Variants in ATXN7L1 observed in about 807,000 individuals in gnomAD.
ATXN7L1 encodes the protein ataxin-7-like protein 1.
In ATXN7L1, 15 loss-of-function variants were observed where a neutral mutation model predicts 70.8. That is an observed-to-expected ratio of 0.21 (90% confidence interval 0.14 to 0.33). ATXN7L1 has a LOEUF of 0.33. ATXN7L1 is among the 10% of genes least tolerant of loss of function. ATXN7L1 has a pLI of 1.00. For missense variants in ATXN7L1, 975 were observed against 1,097.1 expected (o/e 0.89, Z 1.57); for synonymous variants, 440 against 445.1 (o/e 0.99, Z 0.14).
At chr7:105,873,045 T>G (rs1037768044) in intron 2 of ATXN7L1, among the ~76,000 whole-genome samples, 1 of 152,084 alleles carries the variant, frequency 6.6e-6, no homozygotes, top group East Asian at 1.9e-4. Context: ...TCCCAGCTAC[T>G]TGGGAGGTTG....
chr7:105,793,817 T>C (rs1489827398), intron 2 of ATXN7L1, among the ~76,000 whole-genome samples: 2 of 152,192 alleles, frequency 1.3e-5, no homozygotes, highest in African/African-American at 4.8e-5. Flanking sequence ...CCTGGCCTGA[T>C]CACAGGCAGG....
At chr7:105,767,693 C>A (rs975548227) in intron 3 of ATXN7L1, among the ~76,000 whole-genome samples, 1 of 152,232 alleles carries the variant, frequency 6.6e-6, no homozygotes, top group African/African-American at 2.4e-5. Flanking sequence ...GAGATGAGGA[C>A]TGGCTGAAGG....
intron 3 of ATXN7L1, among the ~76,000 whole-genome samples, chr7:105,762,292 C>G (rs764079472): frequency 2.6e-5 from 4 of 152,180 alleles, no homozygotes; most frequent in Non-Finnish European, 5.9e-5. Context: ...AATCCCTGTT[C>G]TTTTCCTACT....
chr7:105,676,315 C>T (rs1282040078), intron 3 of ATXN7L1, among the ~76,000 whole-genome samples: 1 of 152,198 alleles, frequency 6.6e-6, no homozygotes, highest in African/African-American at 2.4e-5. Context: ...ACACACACCG[C>T]ACAAGTCACA....
intron 4 of ATXN7L1, among the ~76,000 whole-genome samples, chr7:105,650,796 G>A (rs1330286147): frequency 6.6e-6 from 1 of 152,134 alleles, no homozygotes; most frequent in African/African-American, 2.4e-5. Flanking sequence ...TTAGGTGGGA[G>A]GAAAAATGAA....
intron 2 of ATXN7L1, among the ~76,000 whole-genome samples, chr7:105,873,590 C>G (rs931351590): frequency 2.0e-5 from 3 of 152,110 alleles, no homozygotes; most frequent in Non-Finnish European, 4.4e-5. Flanking sequence ...ACCAGAAAGA[C>G]CATCAGGAAT....
At position 105,852,881 on chromosome 7, in the gene ATXN7L1, G is replaced by T. The variant is rs566449222; in HGVS notation, c.250+22931C>A. The stretch of plus-strand genomic sequence containing the variant: ...ATATTATTTAACCTTTGAAAGGAAG[G>T]AAATTCTGGTACATGCTACAACATC... On this transcript the variant is annotated intron_variant, in intron 2 of 11. Coordinates refer to ENST00000419735, the MANE Select transcript of ATXN7L1 (RefSeq NM_020725.2). Among the ~76,000 whole-genome samples the T allele has an allele frequency of 1.2e-3, 183 of 152,144 alleles. 1 individual carries two copies. Among genetic ancestry groups the T allele is most frequent in the African/African-American group, 4.1e-3 (171 of 41,486 alleles).
At chr7:105,694,479 G>A (rs141699384) in intron 3 of ATXN7L1, among the ~76,000 whole-genome samples, 1 of 152,180 alleles carries the variant, frequency 6.6e-6, no homozygotes, top group Non-Finnish European at 1.5e-5. Flanking sequence ...TGTGAGGTGG[G>A]AAGGGCGGCT....
At chr7:105,791,666 C>G (rs1242235106) in intron 2 of ATXN7L1, among the ~76,000 whole-genome samples, 4 of 152,064 alleles carry the variant, frequency 2.6e-5, no homozygotes, top group Non-Finnish European at 5.9e-5. Flanking sequence ...AAGAAAAATA[C>G]CATTACCAGA....
intron 3 of ATXN7L1, among the ~76,000 whole-genome samples, chr7:105,678,711 T>TC (rs1805093903): frequency 6.6e-6 from 1 of 152,126 alleles, no homozygotes; most frequent in Non-Finnish European, 1.5e-5. Context: ...GCAGCTGGCT[T>TC]CCCGGTGCTC....
At chr7:105,830,134 C>G (rs943275091) in intron 2 of ATXN7L1, among the ~76,000 whole-genome samples, 90 of 152,162 alleles carry the variant, frequency 5.9e-4, no homozygotes, top group Admixed American at 2.6e-4. Context: ...TACTAGGTCA[C>G]GACAAGTATA....
intron 3 of ATXN7L1, among the ~76,000 whole-genome samples, chr7:105,694,240 T>C (rs971968339): frequency 6.6e-6 from 1 of 151,510 alleles, no homozygotes; most frequent in Admixed American, 6.6e-5. Flanking sequence ...TAGAGATGGT[T>C]TCACCATGTT....
intron 3 of ATXN7L1, among the ~76,000 whole-genome samples, chr7:105,724,400 C>T (rs1795552417): frequency 1.3e-5 from 2 of 151,016 alleles, no homozygotes; most frequent in South Asian, 4.2e-4. Flanking sequence ...GTGGCAAAAC[C>T]CCATCTCTAC....
rs139544096 is a variant in ATXN7L1 at position 105,786,239 on chromosome 7, C to T, written c.355+2365G>A. ...GGGACGAGATCAGTAACCCCAAACC[C>T]CCAAACTAATTTACTGCATTGCTCA... is the stretch of plus-strand genomic sequence containing the variant. On this transcript the variant is annotated intron_variant, in intron 3 of 11. Transcript: ENST00000419735. 3.8e-3 allele frequency among the ~76,000 whole-genome samples: 573 copies of T among 152,260 alleles called. 3 individuals are homozygous for T. The highest frequency in any genetic ancestry group is 0.013 in the African/African-American group (522 of 41,544).
At chr7:105,664,857 C>T (rs1802378725) in intron 4 of ATXN7L1, among the ~76,000 whole-genome samples, 1 of 151,946 alleles carries the variant, frequency 6.6e-6, no homozygotes, top group Admixed American at 6.6e-5. Flanking sequence ...GTGAGCGTGG[C>T]CCATATGGTA....
In ATXN7L1 at chr7:105,875,720, C is replaced by T. The variant is rs1436290926; in HGVS notation, c.250+92G>A. On this transcript the variant is annotated intron_variant, in intron 2 of 11. Coordinates refer to ENST00000419735, the MANE Select transcript of ATXN7L1 (RefSeq NM_020725.2). ...CAATTTTTGACAAGCCTTAGTCACT[C>T]TGTACCCAGCAGAACAATTCACATT... 2.4e-6 allele frequency: 3 copies of T among 1,240,388 alleles called. No individual in the cohort carries two copies. In the African/African-American group the frequency reaches 4.6e-5, roughly 19 times the overall value. 76.8% of individuals were successfully genotyped at this position (1,240,388 alleles called of 1,614,324 possible). A position where few individuals can be genotyped will look rare whatever the true frequency, so the allele number is the denominator to read the frequency against.
intron 3 of ATXN7L1, among the ~76,000 whole-genome samples, chr7:105,708,004 T>C (rs1025971927): frequency 2.0e-5 from 3 of 152,230 alleles, no homozygotes; most frequent in African/African-American, 7.2e-5. Flanking sequence ...GCAACAAAGA[T>C]GGGTATAAAT....
intron 3 of ATXN7L1, among the ~76,000 whole-genome samples, chr7:105,668,133 G>A (rs1802940461): frequency 6.6e-6 from 1 of 152,240 alleles, no homozygotes; most frequent in Non-Finnish European, 1.5e-5. Flanking sequence ...AGTGTGCCAT[G>A]AAGGACAAAA....
rs1318228373 is a variant in ATXN7L1, at chr7:105,630,911, CAA to C, written c.1203-6646_1203-6645del. ...TCATTAAGAAAAACAAAAACAAAAA[CAA>C]AAGAGACACACAGGAAAGGTGGTCT... On this transcript the variant is annotated intron_variant, in intron 7 of 11. Coordinates refer to ENST00000419735, the MANE Select transcript of ATXN7L1 (RefSeq NM_020725.2). 2.0e-5 allele frequency among the ~76,000 whole-genome samples: 3 copies of C among 151,974 alleles called. No homozygotes were observed. In the East Asian group the frequency reaches 5.8e-4, roughly 29 times the overall value.
Sources: gnomAD v4.1 joint callset for allele counts (sites outside exome capture counted in the v4.1 genomes callset) on GRCh38, gnomAD v4.1.1 for gene constraint, MANE v1.5 for transcripts, NCBI Gene and HGNC (gene_info 2026-07-23, HGNC 2026-07-21) for gene names.